HS6ST3: variants seen among roughly 807,000 people sequenced by gnomAD.
The protein encoded by HS6ST3 is heparan-sulfate 6-O-sulfotransferase 3.
A neutral mutation model predicts 36.7 loss-of-function variants in HS6ST3; 12 were observed. The ratio of observed to expected loss-of-function variants is 0.33; its 90% CI spans 0.21 to 0.53. HS6ST3 has a LOEUF of 0.53. Ranked by LOEUF, HS6ST3 falls within the 20% of genes least tolerant of loss-of-function variation. The probability of loss-of-function intolerance (pLI) is 0.95; values close to 1 mark genes in which losing one functional copy is unlikely to be tolerated. For missense variants in HS6ST3, 584 were observed against 640.9 expected (o/e 0.91, Z 0.96); for synonymous variants, 240 against 257.5 (o/e 0.93, Z 0.65).
rs143443467 is a variant in HS6ST3 at position 96,801,591 on chromosome 13, A to G, written c.708-30899A>G. ...AACATTCTCTTACATAATCTCATGA[A>G]CTGTCCTTATGAGATAGTGGCTGTT... On this transcript the variant is annotated intron_variant, in intron 1 of 1. Transcript: ENST00000376705. Among the ~76,000 whole-genome samples, 942 of 152,190 alleles carry G rather than the reference A, an allele frequency of 6.2e-3. 7 individuals are homozygous for G. The highest frequency in any genetic ancestry group is 0.02 in the African/African-American group (845 of 41,536).
chr13:96,500,077 A>G (rs1328394510), intron 1 of HS6ST3, among the ~76,000 whole-genome samples: 2 of 152,280 alleles, frequency 1.3e-5, no homozygotes, highest in Non-Finnish European at 2.9e-5. Flanking sequence ...GTTAGTGATC[A>G]GTCTCCACTC....
At chr13:96,590,307 G>A (rs2056377737) in intron 1 of HS6ST3, among the ~76,000 whole-genome samples, 1 of 152,138 alleles carries the variant, frequency 6.6e-6, no homozygotes, top group Non-Finnish European at 1.5e-5. Context: ...CCCACCAACA[G>A]TGTATGAGGA....
intron 1 of HS6ST3, among the ~76,000 whole-genome samples, chr13:96,672,141 T>C (rs183775655): frequency 5.3e-5 from 8 of 152,258 alleles, no homozygotes; most frequent in Middle Eastern, 3.4e-3. Context: ...CTCCAAAGTA[T>C]GGAATATGAA....
chr13:96,099,858 G>C (rs1265240222), intron 1 of HS6ST3, among the ~76,000 whole-genome samples: 1 of 152,176 alleles, frequency 6.6e-6, no homozygotes, highest in Non-Finnish European at 1.5e-5. Context: ...GTATTTTGTG[G>C]ACTCTAGGAA....
At chr13:96,295,610 C>G (rs537823539) in intron 1 of HS6ST3, among the ~76,000 whole-genome samples, 53 of 152,240 alleles carry the variant, frequency 3.5e-4, no homozygotes, top group African/African-American at 1.2e-3. Flanking sequence ...TATGAAGTAT[C>G]TGCCCACAAA....
intron 1 of HS6ST3, among the ~76,000 whole-genome samples, chr13:96,122,907 G>C (rs1412964446): frequency 6.6e-6 from 1 of 152,108 alleles, no homozygotes; most frequent in South Asian, 2.1e-4. Flanking sequence ...TTGCCAAATA[G>C]CTTTGGGTTT....
intron 1 of HS6ST3, among the ~76,000 whole-genome samples, chr13:96,533,100 G>C (rs1315563909): frequency 6.6e-6 from 1 of 152,164 alleles, no homozygotes; most frequent in Non-Finnish European, 1.5e-5. Flanking sequence ...ATAAACTGGG[G>C]AAGCTAAAGT....
At position 96,643,743 on chromosome 13, in the gene HS6ST3, T is replaced by C. The variant is rs2056578540; in HGVS notation, c.708-188747T>C. Among the ~76,000 whole-genome samples, 3 of 151,712 alleles carry C rather than the reference T, an allele frequency of 2.0e-5. No homozygotes were observed. In the South Asian group the frequency reaches 6.2e-4, roughly 31 times the overall value. ...ATGAATAATTATATGGAAATAGAGC[T>C]TTGAAGGGGTTCTTACCCTATTTTA... On this transcript the variant is annotated intron_variant, in intron 1 of 1. Coordinates refer to ENST00000376705, the MANE Select transcript of HS6ST3 (RefSeq NM_153456.4).
chr13:96,535,107 G>C (rs540347329), intron 1 of HS6ST3, among the ~76,000 whole-genome samples: 16 of 152,304 alleles, frequency 1.1e-4, no homozygotes, highest in Non-Finnish European at 1.8e-4. Context: ...TAGGCAGAGA[G>C]TCCTGAATAA....
chr13:96,315,186 A>G (rs2054962158), intron 1 of HS6ST3, among the ~76,000 whole-genome samples: 1 of 152,202 alleles, frequency 6.6e-6, no homozygotes, highest in Middle Eastern at 3.2e-3. Flanking sequence ...AAGGATTTAG[A>G]TTAATTATTC....
At chr13:96,768,295 T>C (rs1203919385) in intron 1 of HS6ST3, among the ~76,000 whole-genome samples, 1 of 152,194 alleles carries the variant, frequency 6.6e-6, no homozygotes, top group Non-Finnish European at 1.5e-5. Context: ...ATGGATATTA[T>C]ATATGCAAAA....
intron 1 of HS6ST3, among the ~76,000 whole-genome samples, chr13:96,318,419 C>T (rs1199926916): frequency 2.0e-5 from 3 of 152,170 alleles, no homozygotes. Flanking sequence ...GTAATCCCAG[C>T]TACTTGGGAG....
intron 1 of HS6ST3, among the ~76,000 whole-genome samples, chr13:96,475,882 T>C (rs1344805216): frequency 3.3e-5 from 5 of 152,060 alleles, no homozygotes; most frequent in Admixed American, 6.6e-5. Flanking sequence ...ATTAACCTCA[T>C]CCAAGAACCC....
chr13:96,744,514 G>A (rs1305371727), intron 1 of HS6ST3, among the ~76,000 whole-genome samples: 2 of 152,032 alleles, frequency 1.3e-5, no homozygotes, highest in Admixed American at 6.6e-5. Flanking sequence ...TTGCATGAGG[G>A]GGAGGTTAAG....
intron 1 of HS6ST3, among the ~76,000 whole-genome samples, chr13:96,498,339 G>A (rs1218449921): frequency 6.6e-6 from 1 of 152,170 alleles, no homozygotes; most frequent in Non-Finnish European, 1.5e-5. Context: ...AGGAGGTGGA[G>A]CAGGGGGAGG....
At position 96,661,055 on chromosome 13, in the gene HS6ST3, G is replaced by A. The variant is rs184385732; in HGVS notation, c.708-171435G>A. ...GGACTTATACTAGTGGTTTTTCTGG[G>A]GCTCTTAGGCCTTTGGTCTTTGGTC... On this transcript the variant is annotated intron_variant, in intron 1 of 1. Transcript: ENST00000376705. Among the ~76,000 whole-genome samples, 5 of 152,180 alleles carry A rather than the reference G, an allele frequency of 3.3e-5. No homozygotes were observed. In the East Asian group the frequency reaches 9.7e-4, roughly 29 times the overall value.
intron 1 of HS6ST3, among the ~76,000 whole-genome samples, chr13:96,585,194 C>T (rs565579734): frequency 1.1e-4 from 16 of 152,128 alleles, no homozygotes; most frequent in Admixed American, 6.5e-4. Flanking sequence ...ACATAAATTT[C>T]TGGACTATAC....
rs2055475536 is a variant in HS6ST3, at chr13:96,405,810, G to GC, written c.707+314242dup. Among the ~76,000 whole-genome samples, 6 of 152,276 alleles carry GC rather than the reference G, an allele frequency of 3.9e-5. No individual in the cohort carries two copies. The South Asian group carries it at 1.2e-3, about 32-fold the overall frequency. On this transcript the variant is annotated intron_variant, in intron 1 of 1. Transcript: ENST00000376705. ...TTCGGAGGATTGTTTACATTTCCTT[G>GC]CAAGTGCCTTTGGTGTGGTCTTTGG...
chr13:96,804,003 C>A (rs979066974), intron 1 of HS6ST3, among the ~76,000 whole-genome samples: 2 of 152,100 alleles, frequency 1.3e-5, no homozygotes, highest in Admixed American at 6.6e-5. Context: ...GCCTTTCGGT[C>A]CCATCTCTCC....
Sources: allele counts gnomAD v4.1 joint callset (sites outside exome capture counted in the v4.1 genomes callset), GRCh38; gene constraint gnomAD v4.1.1; transcripts MANE v1.5; gene names NCBI Gene and HGNC (gene_info 2026-07-23, HGNC 2026-07-21).